The following LPA variants were observed in gnomAD, a reference collection of about 807,000 sequenced individuals.
LPA encodes the protein apolipoprotein(a).
Under a neutral mutation model 197.9 loss-of-function variants are expected in LPA, and 199 were observed. The observed-to-expected ratio is 1.01, with a 90% CI of 0.90 to 1.13. The LOEUF (loss-of-function observed/expected upper bound fraction) is 1.13. LPA is among the 50% of genes most tolerant of loss of function. The pLI, the probability that LPA is intolerant of heterozygous loss-of-function variation, is 0.00. For missense variants in LPA, 1,853 were observed against 1,785.8 expected (o/e 1.04, Z -0.68); for synonymous variants, 715 against 639.5 (o/e 1.12, Z -1.78).
chr6:160,656,983 G>A (rs1369916292), intron 1 of LPA, among the ~76,000 whole-genome samples: 1 of 152,120 alleles, frequency 6.6e-6, no homozygotes, highest in African/African-American at 2.4e-5. Context: ...TGGCTGCTTT[G>A]CCTCTGCTGT....
Position 160,590,982 on chromosome 6 carries a change from G to T in LPA, c.3749C>A (p.Ser1250Ter), listed in dbSNP as rs777215483. The change falls in exon 23 of 39, where the codon TCA becomes TAA. Residue 1250 changes from serine to a stop codon, truncating the protein, a stop_gained. Coordinates refer to ENST00000316300, the MANE Select transcript of LPA (RefSeq NM_005577.4). LOFTEE classifies it high-confidence loss of function. Reference protein sequence around the residue: ...CNLTQCPVTESSVLATSTAVS... With the variant: ...CNLTQCPVTE ...AGCCGTGGACGTCGCAAGGACACTT[G>T]ATTCTGTCACTGGACATTGTGTCAG... The T allele has an allele frequency of 9.3e-6, 15 of 1,613,896 alleles. No individual in the cohort carries two copies. The highest frequency in any genetic ancestry group is 1.3e-5 in the Non-Finnish European group (15 of 1,179,936).
chr6:160,586,325 T>G, intron 25 of LPA, 124 bp downstream of exon 25: 1 of 1,131,618 alleles, frequency 8.8e-7, no homozygotes, highest in South Asian at 1.3e-5. Flanking sequence ...TCCTTCCCAT[T>G]GGCTGTCCAT....
intron 1 of LPA, among the ~76,000 whole-genome samples, chr6:160,657,551 AC>A (rs1166640264): frequency 1.3e-5 from 2 of 152,022 alleles, no homozygotes; most frequent in Non-Finnish European, 2.9e-5. Context: ...GTTACGCATC[AC>A]CATGCCCAGC....
At chr6:160,543,781 G>A (rs940924068) in intron 33 of LPA, among the ~76,000 whole-genome samples, 15 of 152,012 alleles carry the variant, frequency 9.9e-5, no homozygotes, top group East Asian at 1.9e-4. Context: ...TTTATTATTC[G>A]TACTGAATGT....
At chr6:160,661,078 G>A (rs867806698) in intron 1 of LPA, among the ~76,000 whole-genome samples, 29 of 149,804 alleles carry the variant, frequency 1.9e-4, no homozygotes, top group South Asian at 2.1e-4. Flanking sequence ...CCCCTGTCCT[G>A]AGGCTCCTTA....
chr6:160,584,237 TTCCTCCTCC>T (rs1222927075), intron 26 of LPA, among the ~76,000 whole-genome samples: 2 of 69,474 alleles, frequency 2.9e-5, no homozygotes, highest in African/African-American at 5.2e-5. Context: ...CTTCTTCTTC[TTCCTCCTCC>T]TCCTCCTCCT....
Position 160,606,475 on chromosome 6 carries a change from A to G in LPA, c.2785+2T>C, listed in dbSNP as rs1562341866. On this transcript the variant is annotated splice_donor_variant, in intron 17 of 38. Transcript: ENST00000316300. LOFTEE classifies it high-confidence loss of function. ...GTAGGTTTCTGGCCACAGGCTCCTT[A>G]CCTTGTTCAGAAGGAGCCTCTAGGC... 7 of 1,613,220 alleles carry G rather than the reference A, an allele frequency of 4.3e-6. No individual in the cohort carries two copies. The highest frequency in any genetic ancestry group is 5.1e-6 in the Non-Finnish European group (6 of 1,179,758).
chr6:160,555,333 G>A (rs1778242341), intron 30 of LPA, among the ~76,000 whole-genome samples: 1 of 142,858 alleles, frequency 7.0e-6, no homozygotes, highest in Non-Finnish European at 1.5e-5. Context: ...ATGTGTGTGT[G>A]TCCTGCAAAT....
At chr6:160,594,736 A>G (rs887144255) in intron 21 of LPA, among the ~76,000 whole-genome samples, 9 of 152,188 alleles carry the variant, frequency 5.9e-5, no homozygotes, top group African/African-American at 1.9e-4. Flanking sequence ...CTCAGAGACC[A>G]ACACAGATAT....
At chr6:160,576,993 T>G in intron 28 of LPA, 143 bp downstream of exon 28, 1 of 947,962 alleles carries the variant, frequency 1.1e-6, no homozygotes, top group Admixed American at 2.0e-5. Context: ...GACTCTTTGC[T>G]CAAAAGCAAA....
At chr6:160,552,202 G>A (rs146333503) in intron 30 of LPA, among the ~76,000 whole-genome samples, 45 of 152,216 alleles carry the variant, frequency 3.0e-4, no homozygotes, top group Non-Finnish European at 5.7e-4. Context: ...ATGAGCCAAG[G>A]GGCCAGGCCA....
intron 37 of LPA, among the ~76,000 whole-genome samples, chr6:160,534,180 C>CCGAG (rs942948395): frequency 2.0e-5 from 3 of 152,158 alleles, no homozygotes; most frequent in Non-Finnish European, 2.9e-5. Flanking sequence ...CTCCTGACTA[C>CCGAG]CGAGCATTGG....
rs1583611254 is a variant in LPA at position 160,600,928 on chromosome 6, A to G, written c.3116T>C (p.Phe1039Ser). 1 of 1,612,556 alleles carries G rather than the reference A, an allele frequency of 6.2e-7. No individual in the cohort carries two copies. Among genetic ancestry groups the G allele is most frequent in the African/African-American group, 1.3e-5 (1 of 74,978 alleles). ...NVILAPSLEA[F>S]FEQALTEETP... ...GCACAACTTCTTACCTTGTTCAAAA[A>G]AAGCCTCTAGGCTTGGAGCCAGAAT... Residue 1039 changes from phenylalanine to serine, a missense_variant, in exon 19 of 39, where the codon TTT becomes TCT. Transcript: ENST00000316300.
intron 18 of LPA, among the ~76,000 whole-genome samples, chr6:160,604,462 C>G (rs572211794): frequency 1.3e-5 from 2 of 152,162 alleles, no homozygotes; most frequent in Admixed American, 6.6e-5. Flanking sequence ...TCTATCCACC[C>G]TTTTACTTTA....
At chr6:160,647,194 A>G (rs1468990069) in intron 2 of LPA, among the ~76,000 whole-genome samples, 3 of 152,304 alleles carry the variant, frequency 2.0e-5, no homozygotes, top group East Asian at 1.9e-4. Flanking sequence ...AGTGGGTCCC[A>G]TGGCATAAAG....
At chr6:160,611,324 G>A (rs557071971) in intron 16 of LPA, among the ~76,000 whole-genome samples, 2 of 152,028 alleles carry the variant, frequency 1.3e-5, no homozygotes, top group African/African-American at 4.8e-5. Context: ...TTCTTCATAA[G>A]GTGATCTCCT....
At chr6:160,611,253 T>A (rs576665232) in intron 16 of LPA, among the ~76,000 whole-genome samples, 2 of 152,256 alleles carry the variant, frequency 1.3e-5, no homozygotes, top group East Asian at 3.9e-4. Flanking sequence ...AAGTCTTCAT[T>A]GACGCTTAGT....
chr6:160,586,795 C>G (rs1342655633), intron 24 of LPA, among the ~76,000 whole-genome samples, 165 bp from the exon 25 acceptor site: 1 of 152,212 alleles, frequency 6.6e-6, no homozygotes, highest in African/African-American at 2.4e-5. Flanking sequence ...AAACAACTGT[C>G]AACATTTCAA....
At position 160,650,606 on chromosome 6, in the gene LPA, T is replaced by C. The variant is rs553095109; in HGVS notation, c.50-109A>G. The C allele has an allele frequency of 7.7e-4, 833 of 1,077,328 alleles. 6 individuals are homozygous for C. The highest frequency in any genetic ancestry group is 6.8e-5 in the Non-Finnish European group (48 of 701,072). The allele number at this position is 1,077,328 out of a possible 1,614,324, so 66.7% of individuals were successfully genotyped here. Reference sequence around the variant, plus strand: ...AAGTCTCTGAGAATTACGACCATTCTCTTCTCTTGATTAGCAGGCAGACAG... The same window carrying C: ...AAGTCTCTGAGAATTACGACCATTCCCTTCTCTTGATTAGCAGGCAGACAG... On this transcript the variant is annotated intron_variant, in intron 1 of 38. Transcript: ENST00000316300.
Sources: allele counts gnomAD v4.1 joint callset (sites outside exome capture counted in the v4.1 genomes callset), GRCh38; gene constraint gnomAD v4.1.1; transcripts MANE v1.5; gene names NCBI Gene and HGNC (gene_info 2026-07-23, HGNC 2026-07-21).